SAMD4A: variants seen among roughly 807,000 people sequenced by gnomAD.
SAMD4A encodes protein Smaug homolog 1.
In SAMD4A, 33 loss-of-function variants were observed where a neutral mutation model predicts 81.3. The ratio of observed to expected loss-of-function variants is 0.41; its 90% confidence interval spans 0.31 to 0.54. The LOEUF (loss-of-function observed/expected upper bound fraction) is 0.54. Among genes scored for constraint, SAMD4A ranks in the 20% least tolerant of loss-of-function variants. The pLI is 0.37. For synonymous variants in SAMD4A, 389 were observed against 382.1 expected, an observed-to-expected ratio of 1.02 and a Z score of -0.21; for missense variants, 854 against 951.1, an observed-to-expected ratio of 0.90 and a Z score of 1.34.
chr14:54,782,196 C>T (rs2039015019), intron 11 of SAMD4A, among the ~76,000 whole-genome samples: 1 of 152,210 alleles, frequency 6.6e-6, no homozygotes, highest in Admixed American at 6.5e-5. Context: ...AGAAATCCTG[C>T]AGCTGAAACA....
intron 2 of SAMD4A, among the ~76,000 whole-genome samples, chr14:54,622,953 G>A (rs551366092): frequency 4.6e-5 from 7 of 152,304 alleles, no homozygotes; most frequent in South Asian, 4.1e-4. Context: ...TAGGCCGATC[G>A]GTCTGAATGT....
chr14:54,596,791 T>G lies in SAMD4A; in HGVS notation c.196+28679T>G, dbSNP rs192603728. On this transcript the variant is annotated intron_variant, in intron 2 of 12. Coordinates refer to ENST00000554335, the MANE Select transcript of SAMD4A (RefSeq NM_015589.6). ...CCCCAGGGAACCACGAGATGTAGTC[T>G]GAAGGGGCAGCCTCCCAGGGCACAC... Among the ~76,000 whole-genome samples the G allele has an allele frequency of 4.0e-3, 615 of 152,082 alleles. 7 individuals carry two copies. The highest frequency in any genetic ancestry group is 0.014 in the African/African-American group (594 of 41,486).
At chr14:54,706,682 C>A (rs2036868045) in intron 3 of SAMD4A, among the ~76,000 whole-genome samples, 1 of 151,444 alleles carries the variant, frequency 6.6e-6, no homozygotes, top group Admixed American at 6.6e-5. Context: ...GGAAAGTGAG[C>A]TAAGATGGAA....
At chr14:54,620,145 C>A (rs574553167) in intron 2 of SAMD4A, among the ~76,000 whole-genome samples, 2 of 151,978 alleles carry the variant, frequency 1.3e-5, no homozygotes, top group East Asian at 1.9e-4. Context: ...TTATTATAAC[C>A]CTTACTTTTT....
intron 3 of SAMD4A, among the ~76,000 whole-genome samples, chr14:54,718,698 G>A (rs980972369): frequency 1.3e-5 from 2 of 152,056 alleles, no homozygotes; most frequent in Non-Finnish European, 2.9e-5. Flanking sequence ...GTCCTGGAGA[G>A]TTCCCTTAAG....
At chr14:54,757,463 T>C (rs1226437581) in intron 6 of SAMD4A, among the ~76,000 whole-genome samples, 5 of 151,064 alleles carry the variant, frequency 3.3e-5, no homozygotes, top group South Asian at 2.1e-4. Context: ...TTGCCTCCAA[T>C]AGAAGAATCA....
At chr14:54,653,298 T>TTAA (rs1216122837) in intron 2 of SAMD4A, among the ~76,000 whole-genome samples, 9 of 124,046 alleles carry the variant, frequency 7.3e-5, no homozygotes, top group Non-Finnish European at 1.3e-4. Flanking sequence ...AGACTTCCTC[T>TTAA]TAATATTATT....
chr14:54,757,422 TG>T (rs112987358), intron 6 of SAMD4A, among the ~76,000 whole-genome samples: 327 of 131,364 alleles, frequency 2.5e-3, no homozygotes, highest in African/African-American at 9.5e-3. Context: ...TGTGTGTGTG[TG>T]TGTGTTTTGT....
chr14:54,770,065 G>C lies in SAMD4A; in HGVS notation c.1597-39G>C, dbSNP rs1231199396. ...TGCATGTTTCTCCCTCTAATGCCAG[G>C]CTGCGTCACCCATTTAAAAGTCCTG... On this transcript the variant is annotated intron_variant, in intron 8 of 12. Coordinates refer to ENST00000554335, the MANE Select transcript of SAMD4A (RefSeq NM_015589.6). 12 of 1,300,578 alleles carry C rather than the reference G, an allele frequency of 9.2e-6. No homozygotes were observed. The South Asian group carries it at 1.3e-4, about 14-fold the overall frequency. The allele number at this position is 1,300,578 out of a possible 1,614,324, so 80.6% of individuals were successfully genotyped here.
At chr14:54,646,527 T>C (rs2035291593) in intron 2 of SAMD4A, among the ~76,000 whole-genome samples, 1 of 152,206 alleles carries the variant, frequency 6.6e-6, no homozygotes, top group Non-Finnish European at 1.5e-5. Context: ...TAAGAACCAC[T>C]GGCCTAGCAC....
chr14:54,661,142 A>C (rs1207930933), intron 2 of SAMD4A, among the ~76,000 whole-genome samples: 1 of 152,232 alleles, frequency 6.6e-6, no homozygotes, highest in African/African-American at 2.4e-5. Context: ...GCAAGATCAT[A>C]AAGTAGCTTT....
At chr14:54,600,567 G>C (rs2034026248) in intron 2 of SAMD4A, among the ~76,000 whole-genome samples, 1 of 152,164 alleles carries the variant, frequency 6.6e-6, no homozygotes, top group Non-Finnish European at 1.5e-5. Flanking sequence ...CAATTTTCTA[G>C]ACTAAAATTG....
rs1420984940 is a variant in SAMD4A at position 54,789,164 on chromosome 14, G to A, written c.*220G>A. 1.7e-6 allele frequency: 1 copy of A among 593,058 alleles called. No homozygotes were observed. Among genetic ancestry groups the A allele is most frequent in the East Asian group, 2.9e-5 (1 of 34,074 alleles). 36.7% of individuals were successfully genotyped at this position (593,058 alleles called of 1,614,324 possible). On this transcript the variant is annotated 3_prime_UTR_variant, in exon 13 of 13. Transcript: ENST00000554335. ...TTGTCATTTGTTTCTGTCATGGGAT[G>A]GTTTGGTGTGTGGGGTGGGGAGGGG...
chr14:54,705,563 C>T (rs977904868), intron 3 of SAMD4A, among the ~76,000 whole-genome samples: 8 of 119,476 alleles, frequency 6.7e-5, no homozygotes, highest in African/African-American at 2.3e-4. Flanking sequence ...GGCCAGCCAC[C>T]TCCTTAGTTT....
chr14:54,774,492 T>C (rs2038784900), intron 9 of SAMD4A, among the ~76,000 whole-genome samples: 1 of 151,964 alleles, frequency 6.6e-6, no homozygotes, highest in Admixed American at 6.6e-5. Context: ...TCACTTGAGC[T>C]CAGGAGTTCC....
At chr14:54,686,635 T>C (rs1020102305) in intron 2 of SAMD4A, among the ~76,000 whole-genome samples, 4 of 151,676 alleles carry the variant, frequency 2.6e-5, no homozygotes, top group African/African-American at 9.7e-5. Context: ...GAGAGTATTA[T>C]GAATGTGAAA....
chr14:54,679,697 A>C (rs913058204), intron 2 of SAMD4A, among the ~76,000 whole-genome samples: 1 of 152,128 alleles, frequency 6.6e-6, no homozygotes, highest in Non-Finnish European at 1.5e-5. Context: ...TATTTTTAAT[A>C]GGAGGAAACT....
At chr14:54,753,191 G>A (rs1410827132) in intron 6 of SAMD4A, among the ~76,000 whole-genome samples, 2 of 152,224 alleles carry the variant, frequency 1.3e-5, no homozygotes, top group Non-Finnish European at 2.9e-5. Context: ...TGGGCTGGGG[G>A]ACGGTCAGGT....
At chr14:54,753,760 G>A (rs539293430) in intron 6 of SAMD4A, among the ~76,000 whole-genome samples, 43 of 152,194 alleles carry the variant, frequency 2.8e-4, no homozygotes, top group Admixed American at 2.4e-3. Flanking sequence ...GTGCACATCC[G>A]TGATTAAAGA....
Sources: allele counts gnomAD v4.1 joint callset (sites outside exome capture counted in the v4.1 genomes callset), GRCh38; gene constraint gnomAD v4.1.1; transcripts MANE v1.5; gene names NCBI Gene and HGNC (gene_info 2026-07-23, HGNC 2026-07-21).